CDH13: variants seen among roughly 807,000 people sequenced by gnomAD.
The protein encoded by CDH13 is cadherin 13, also known as cadherin-13.
A neutral mutation model predicts 63.8 loss-of-function variants in CDH13; 24 were observed. That is an observed-to-expected ratio of 0.38 (90% CI 0.27 to 0.53). The LOEUF is 0.53. Ranked by LOEUF, CDH13 falls within the 20% of genes least tolerant of loss-of-function variation. CDH13 has a pLI of 0.85. For synonymous variants in CDH13, 503 were observed against 355.3 expected, an observed-to-expected ratio of 1.42 and a Z score of -4.67; for missense variants, 1,049 against 903.1, an observed-to-expected ratio of 1.16 and a Z score of -2.07.
Position 83,049,249 on chromosome 16 carries a change from C to G in CDH13, c.366+17031C>G, listed in dbSNP as rs2030002088. ...AAGCATGTTCTCCCTTCCCCAGCTC[C>G]TGGCTTTATGTATCACCTATTTTTA... On this transcript the variant is annotated intron_variant, in intron 3 of 13. Coordinates refer to ENST00000567109, the MANE Select transcript of CDH13 (RefSeq NM_001257.5). 4.0e-5 allele frequency among the ~76,000 whole-genome samples: 6 copies of G among 151,492 alleles called. No individual in the cohort carries two copies. In the South Asian group the frequency reaches 1.3e-3, roughly 32 times the overall value.
chr16:83,131,727 AC>A (rs745609993), intron 4 of CDH13, among the ~76,000 whole-genome samples: 2 of 152,132 alleles, frequency 1.3e-5, no homozygotes, highest in Non-Finnish European at 2.9e-5. Context: ...TTCATCACAA[AC>A]CCTTTTCATC....
intron 11 of CDH13, among the ~76,000 whole-genome samples, chr16:83,768,039 T>G (rs1233221966): frequency 6.6e-6 from 1 of 152,184 alleles, no homozygotes; most frequent in Non-Finnish European, 1.5e-5. Flanking sequence ...TAATTCTGAG[T>G]TTAACATGTT....
At chr16:83,274,793 T>A (rs2088933905) in intron 5 of CDH13, among the ~76,000 whole-genome samples, 1 of 152,296 alleles carries the variant, frequency 6.6e-6, no homozygotes, top group East Asian at 1.9e-4. Flanking sequence ...AGAACCTCCA[T>A]GGGTGTGAAC....
intron 1 of CDH13, among the ~76,000 whole-genome samples, chr16:82,842,696 C>T (rs1048500860): frequency 8.7e-5 from 13 of 148,734 alleles, no homozygotes; most frequent in South Asian, 2.2e-4. Flanking sequence ...TTACATTTAT[C>T]GTACACTTAA....
rs571129161 is a variant in CDH13, at chr16:82,766,896, T to C, written c.46-91466T>C. Among the ~76,000 whole-genome samples the C allele has an allele frequency of 1.1e-4, 17 of 152,276 alleles. No individual in the cohort carries two copies. The East Asian group carries it at 2.9e-3, about 26-fold the overall frequency. On this transcript the variant is annotated intron_variant, in intron 1 of 13. Coordinates refer to ENST00000567109, the MANE Select transcript of CDH13 (RefSeq NM_001257.5). ...AGAAATAATGTTTCATTATAAAATT[T>C]TTTACACGTACAGAAAAGTTTAATT...
chr16:83,317,217 T>C (rs945138870), intron 5 of CDH13, among the ~76,000 whole-genome samples: 2 of 152,192 alleles, frequency 1.3e-5, no homozygotes, highest in African/African-American at 2.4e-5. Context: ...GGCAAACTTC[T>C]ATAAACTTAT....
At chr16:82,686,337 G>C (rs984190585) in intron 1 of CDH13, among the ~76,000 whole-genome samples, 1 of 152,206 alleles carries the variant, frequency 6.6e-6, no homozygotes, top group African/African-American at 2.4e-5. Context: ...AGAGCCATGA[G>C]AGACTAGAAC....
At chr16:82,917,933 G>A (rs4561461) in intron 2 of CDH13, among the ~76,000 whole-genome samples, 73,665 of 106,496 alleles carry the variant, frequency 0.69, 22,490 homozygotes, top group African/African-American at 0.81. Context: ...AAAAAAAAAA[G>A]GCATGTAAAG....
At chr16:82,843,294 A>G (rs1597776143) in intron 1 of CDH13, among the ~76,000 whole-genome samples, 1 of 152,234 alleles carries the variant, frequency 6.6e-6, no homozygotes, top group Admixed American at 6.5e-5. Flanking sequence ...GCATCAATGC[A>G]TGAGTCCTTC....
chr16:83,028,009 G>C (rs1039802446), intron 2 of CDH13, among the ~76,000 whole-genome samples: 3 of 152,094 alleles, frequency 2.0e-5, no homozygotes, highest in African/African-American at 7.2e-5. Flanking sequence ...AGGAAGAAAG[G>C]GTGGGAAGAA....
chr16:82,945,467 T>C (rs530569763), intron 2 of CDH13, among the ~76,000 whole-genome samples: 22 of 152,266 alleles, frequency 1.4e-4, no homozygotes, highest in African/African-American at 5.1e-4. Flanking sequence ...CCTTACAGGG[T>C]GCTAAACGAC....
At chr16:83,370,255 G>T (rs2091339932) in intron 6 of CDH13, among the ~76,000 whole-genome samples, 2 of 151,994 alleles carry the variant, frequency 1.3e-5, no homozygotes, top group Admixed American at 1.3e-4. Context: ...GGGTGCGGTG[G>T]CGGGCGGCTA....
intron 10 of CDH13, among the ~76,000 whole-genome samples, chr16:83,705,734 C>T (rs1463917146): frequency 4.6e-5 from 7 of 152,178 alleles, no homozygotes; most frequent in Non-Finnish European, 7.3e-5. Context: ...CTTCAAACAA[C>T]CCTAAAGCTG....
intron 2 of CDH13, among the ~76,000 whole-genome samples, chr16:83,002,155 C>T (rs1913003786): frequency 6.6e-6 from 1 of 152,102 alleles, no homozygotes; most frequent in African/African-American, 2.4e-5. Context: ...GTGATTGTGA[C>T]CTTCTTTGGA....
chr16:83,206,954 A>C (rs558369858), intron 4 of CDH13, among the ~76,000 whole-genome samples: 97 of 152,360 alleles, frequency 6.4e-4, no homozygotes, highest in African/African-American at 2.3e-3. Flanking sequence ...GGATAAAATC[A>C]CCTGTACTCA....
At chr16:82,906,958 A>G (rs1473106784) in intron 2 of CDH13, among the ~76,000 whole-genome samples, 1 of 152,208 alleles carries the variant, frequency 6.6e-6, no homozygotes, top group Non-Finnish European at 1.5e-5. Flanking sequence ...ACTTTGTCAC[A>G]TCTGCAAAGG....
intron 5 of CDH13, among the ~76,000 whole-genome samples, chr16:83,232,096 G>C (rs1279942417): frequency 2.0e-5 from 3 of 151,912 alleles, no homozygotes; most frequent in Non-Finnish European, 4.4e-5. Context: ...CATAACTAAT[G>C]GGTGCTAGGC....
At chr16:83,511,932 T>A (rs2074575613) in intron 7 of CDH13, among the ~76,000 whole-genome samples, 1 of 152,142 alleles carries the variant, frequency 6.6e-6, no homozygotes, top group Admixed American at 6.5e-5. Context: ...ATAAAAGCAA[T>A]CACTGCATGG....
chr16:83,250,540 T>G (rs989481552), intron 5 of CDH13, among the ~76,000 whole-genome samples: 2 of 152,074 alleles, frequency 1.3e-5, no homozygotes, highest in Non-Finnish European at 2.9e-5. Flanking sequence ...CGAGCGTTCA[T>G]AAGGAACCAG....
Sources: allele counts gnomAD v4.1 joint callset (sites outside exome capture counted in the v4.1 genomes callset), GRCh38; gene constraint gnomAD v4.1.1; transcripts MANE v1.5; gene names NCBI Gene and HGNC (gene_info 2026-07-23, HGNC 2026-07-21).